Variants in EML2 observed in about 807,000 individuals in gnomAD.
The protein encoded by EML2 is EMAP like 2, also known as echinoderm microtubule-associated protein-like 2.
EML2 carries 59 observed loss-of-function variants against 84.7 expected under a neutral mutation model. That is an observed-to-expected ratio of 0.70 (90% confidence interval 0.56 to 0.86). EML2 has a LOEUF of 0.86. EML2 is among the 40% of genes least tolerant of loss of function. EML2 has a pLI of 0.00. For missense variants in EML2, 818 were observed against 855.6 expected (o/e 0.96, Z 0.55); for synonymous variants, 352 against 348.9 (o/e 1.01, Z -0.10).
At chr19:45,639,162 C>T (rs1974142905) in intron 1 of EML2, 195 bp downstream of exon 1, 1 of 670,704 alleles carries the variant, frequency 1.5e-6, no homozygotes, top group Non-Finnish European at 2.5e-6. Flanking sequence ...TCCTAATCAG[C>T]AAGGTGCTCC....
At position 45,621,309 on chromosome 19, in the gene EML2, C is replaced by G; in HGVS notation, c.1020G>C (p.Val340=). 1 of 1,609,848 alleles carries G rather than the reference C, an allele frequency of 6.2e-7. No homozygotes were observed. Among genetic ancestry groups the G allele is most frequent in the Non-Finnish European group, 8.5e-7 (1 of 1,177,236 alleles). ...EVEVPEDFGP[V]RTVAEGHGDT... Reference sequence around the variant, plus strand: ...CTCCGTGGCCCTCTGCCACGGTGCGCACAGGGCCAAAGTCCTCAGGGACCT... The same window carrying G: ...CTCCGTGGCCCTCTGCCACGGTGCGGACAGGGCCAAAGTCCTCAGGGACCT... Residue 340 remains valine (V), a synonymous_variant, in exon 11 of 19, where the codon GTG becomes GTC. Transcript: ENST00000245925.
rs562366123 is a variant in EML2 at position 45,627,090 on chromosome 19, G to A, written c.607-251C>T. ...TTCTCTTGCCTCAGCCTCCCGAATA[G>A]CTGGTATTACAGGCAGGTGCTACCA... On this transcript the variant is annotated intron_variant, in intron 7 of 18. Transcript: ENST00000245925. Among the ~76,000 whole-genome samples, 8 of 151,612 alleles carry A rather than the reference G, an allele frequency of 5.3e-5. No individual in the cohort carries two copies. In the South Asian group the frequency reaches 1.0e-3, roughly 20 times the overall value.
At chr19:45,641,922 G>T (rs1211723687), upstream of EML2, 1 of 1,441,400 alleles carries the variant, frequency 6.9e-7, no homozygotes, top group South Asian at 1.5e-5. Flanking sequence ...CCTTACCTGC[G>T]CCCGGAGGTC....
At chr19:45,622,066 C>T (rs1376012854) in intron 9 of EML2, among the ~76,000 whole-genome samples, 3 of 151,940 alleles carry the variant, frequency 2.0e-5, no homozygotes, top group East Asian at 3.9e-4. Flanking sequence ...TTTCTATCTG[C>T]TCTTCCACCC....
intron 9 of EML2, among the ~76,000 whole-genome samples, chr19:45,622,628 A>G (rs935570610): frequency 6.6e-6 from 1 of 152,030 alleles, no homozygotes; most frequent in Admixed American, 6.6e-5. Flanking sequence ...ACAGGGTTTC[A>G]CTATGTTGGC....
At chr19:45,616,142 G>C in intron 15 of EML2, 1 of 567,162 alleles carries the variant, frequency 1.8e-6, no homozygotes, top group Non-Finnish European at 3.2e-6. Flanking sequence ...GGTGGGCAGG[G>C]CTAGACACGG....
intron 2 of EML2, 97 bp from the exon 3 acceptor site, chr19:45,638,731 G>A: frequency 6.3e-7 from 1 of 1,586,914 alleles, no homozygotes; most frequent in Non-Finnish European, 8.6e-7. Flanking sequence ...TAAAGGCAGG[G>A]AAACTGAGGC....
At chr19:45,619,795 C>T (rs561328625) in intron 11 of EML2, among the ~76,000 whole-genome samples, 60 of 152,254 alleles carry the variant, frequency 3.9e-4, no homozygotes, top group African/African-American at 1.2e-3. Context: ...TGGCTCACGC[C>T]GGTAATCCCG....
intron 11 of EML2, among the ~76,000 whole-genome samples, chr19:45,620,043 A>T (rs1372514157): frequency 1.3e-5 from 2 of 152,116 alleles, no homozygotes; most frequent in Non-Finnish European, 2.9e-5. Context: ...ATAATAAATA[A>T]ATAAAATGCT....
chr19:45,626,927 T>A (rs1972414289), intron 7 of EML2, 88 bp from the exon 8 acceptor site: 23 of 1,318,842 alleles, frequency 1.7e-5, no homozygotes, highest in Non-Finnish European at 2.3e-5. Context: ...CCTAAACGGC[T>A]GTTTGTGTTG....
intron 6 of EML2, among the ~76,000 whole-genome samples, chr19:45,630,894 G>T (rs1488083713): frequency 6.6e-6 from 1 of 151,944 alleles, no homozygotes; most frequent in Non-Finnish European, 1.5e-5. Context: ...TCATTCTATT[G>T]CCCAAGCTGG....
At chr19:45,626,600 GT>G in intron 8 of EML2, 104 bp downstream of exon 8, 1 of 1,340,790 alleles carries the variant, frequency 7.5e-7, no homozygotes, top group Non-Finnish European at 1.0e-6. Flanking sequence ...CAGCGTCCCT[GT>G]AATCCCAAAC....
At chr19:45,610,566 G>C (rs1031853090) in intron 18 of EML2, among the ~76,000 whole-genome samples, 1 of 152,150 alleles carries the variant, frequency 6.6e-6, no homozygotes, top group Non-Finnish European at 1.5e-5. Context: ...GGCCTGGCGT[G>C]GTGGCTCATG....
chr19:45,616,603 T>A lies in EML2; in HGVS notation c.1412-45A>T, dbSNP rs7248085. 519 of 1,509,272 alleles carry A rather than the reference T, an allele frequency of 3.4e-4. 16 individuals carry two copies. In the South Asian group the frequency reaches 4.2e-3, roughly 12 times the overall value. 93.5% of individuals were successfully genotyped at this position (1,509,272 alleles called of 1,614,324 possible). ...GCTATGAGGAGGCACCCAGGCTCCA[T>A]CCCCTCCTCGCCCAGACTCAGCCCC... On this transcript the variant is annotated intron_variant, in intron 14 of 18. Coordinates refer to ENST00000245925, the MANE Select transcript of EML2 (RefSeq NM_012155.4).
chr19:45,621,005 G>T (rs1448151703), intron 11 of EML2: 1 of 795,978 alleles, frequency 1.3e-6, no homozygotes, highest in Admixed American at 2.0e-5. Context: ...TTGGAGCAGG[G>T]GCCTGGGGCC....
rs1970712353 is a variant in EML2, at chr19:45,613,576, C to T, written c.1789G>A (p.Val597Ile). ...LLASADDFGK[V>I]HLFSYPCCQP... ...CAGCAGGGGTAGCTAAACAGGTGAA[C>T]TTTGCCAAAGTCATCAGCTGAAGCC... Residue 597 changes from valine (V) to isoleucine (I), a missense_variant, in exon 18 of 19, where the codon GTT becomes ATT. Transcript: ENST00000245925. The T allele has an allele frequency of 4.3e-6, 7 of 1,614,140 alleles. No homozygotes were observed. The highest frequency in any genetic ancestry group is 4.2e-6 in the Non-Finnish European group (5 of 1,180,024).
At chr19:45,645,590 C>T (rs1180657385), upstream of EML2, 2 of 742,136 alleles carry the variant, frequency 2.7e-6, no homozygotes, top group East Asian at 6.4e-5. Flanking sequence ...GCGCCCGGAT[C>T]CCCCTAGGTA....
At chr19:45,613,080 G>A (rs1415365986) in intron 18 of EML2, among the ~76,000 whole-genome samples, 1 of 151,994 alleles carries the variant, frequency 6.6e-6, no homozygotes, top group African/African-American at 2.4e-5. Context: ...TGTGTATTTT[G>A]TAGAGATGGG....
intron 16 of EML2, 72 bp downstream of exon 16, chr19:45,615,730 C>T: frequency 7.6e-7 from 1 of 1,324,018 alleles, no homozygotes; most frequent in Non-Finnish European, 1.1e-6. Context: ...GCCCCTCCCT[C>T]CCCTCCCAGA....
Sources: gnomAD v4.1 joint callset for allele counts (sites outside exome capture counted in the v4.1 genomes callset) on GRCh38, gnomAD v4.1.1 for gene constraint, MANE v1.5 for transcripts, NCBI Gene and HGNC (gene_info 2026-07-23, HGNC 2026-07-21) for gene names.